POM121C: variants seen among roughly 807,000 people sequenced by gnomAD.
POM121C encodes the protein POM121 transmembrane nucleoporin C.
Under a neutral mutation model 66.4 loss-of-function variants are expected in POM121C, and 20 were observed. The observed-to-expected ratio is 0.30, with a 90% CI of 0.21 to 0.44. The LOEUF (loss-of-function observed/expected upper bound fraction) is 0.44, where lower values mean the gene tolerates loss of function less well. Ranked by LOEUF, POM121C falls within the 20% of genes least tolerant of loss-of-function variation. The pLI is 1.00. For synonymous variants in POM121C, 286 were observed against 528.0 expected, an observed-to-expected ratio of 0.54 and a Z score of 6.28; for missense variants, 580 against 1,225.7, an observed-to-expected ratio of 0.47 and a Z score of 7.87.
intron 3 of POM121C, among the ~76,000 whole-genome samples, chr7:75,468,221 C>T (rs1334063248): frequency 4.6e-5 from 7 of 151,420 alleles, no homozygotes; most frequent in Non-Finnish European, 7.4e-5. Context: ...AGAACTCACC[C>T]GCTCCAGTCG....
chr7:75,416,926 T>A lies in POM121C; in HGVS notation c.*1870A>T. 1 of 1,425,080 alleles carries A rather than the reference T, an allele frequency of 7.0e-7. No homozygotes were observed. Among genetic ancestry groups the A allele is most frequent in the Non-Finnish European group, 9.1e-7 (1 of 1,094,230 alleles). 88.3% of individuals were successfully genotyped at this position (1,425,080 alleles called of 1,614,324 possible). ...GTCCCAGCCTCCCGCTGCCGTCCAG[T>A]GTGTGTACTGTACACATCCACACTC... On this transcript the variant is annotated 3_prime_UTR_variant, in exon 15 of 15. Coordinates refer to ENST00000615331, the MANE Select transcript of POM121C (RefSeq NM_001099415.3).
At chr7:75,448,506 A>AG (rs1288780421) in intron 3 of POM121C, among the ~76,000 whole-genome samples, 2 of 136,152 alleles carry the variant, frequency 1.5e-5, no homozygotes, top group Non-Finnish European at 3.1e-5. Context: ...GAAACAGAAA[A>AG]AAAAAAAAAA....
intron 3 of POM121C, among the ~76,000 whole-genome samples, chr7:75,469,404 A>G (rs3100008): frequency 6.6e-6 from 1 of 152,054 alleles, no homozygotes; most frequent in South Asian, 2.1e-4. Context: ...GGCCAGGTCT[A>G]CTTTCAAAAT....
chr7:75,437,555 G>T lies in POM121C; in HGVS notation c.440C>A (p.Ala147Asp). 6.2e-7 allele frequency: 1 copy of T among 1,613,946 alleles called. No homozygotes were observed. The highest frequency in any genetic ancestry group is 8.5e-7 in the Non-Finnish European group (1 of 1,179,842). Residue 147 changes from alanine (A) to aspartate (D), a missense_variant, in exon 7 of 15, where the codon GCC (alanine) becomes GAC (aspartate). Ala to Asp is a moderately radical substitution (Grantham distance 126). Transcript: ENST00000615331. Reference protein sequence around the residue: ...TSGIPSSSRNAITSSYSSTRG... With the variant: ...TSGIPSSSRNDITSSYSSTRG... ...AGTGGAGCTGTAGGAACTGGTAATG[G>T]CATTGCGGCTGGAGCTAGGGATGCC...
intron 7 of POM121C, among the ~76,000 whole-genome samples, chr7:75,434,803 G>A (rs781783311): frequency 3.9e-5 from 6 of 151,962 alleles, no homozygotes; most frequent in South Asian, 2.1e-4. Context: ...GGATGGTCTC[G>A]AACTCAGGTG....
intron 1 of POM121C, among the ~76,000 whole-genome samples, chr7:75,479,327 A>T (rs1792214843): frequency 6.6e-6 from 1 of 152,194 alleles, no homozygotes; most frequent in South Asian, 2.1e-4. Context: ...TCTTTAAAAG[A>T]TACCTGGGCC....
Position 75,436,856 on chromosome 7 carries a change from A to C in POM121C, c.480+659T>G, listed in dbSNP as rs187830708. 2.0e-4 allele frequency among the ~76,000 whole-genome samples: 30 copies of C among 152,248 alleles called. 1 individual carries two copies. The highest frequency in any genetic ancestry group is 4.1e-4 in the South Asian group (2 of 4,820). ...GGCTAGTCTTGAACTCCTGGGCTCA[A>C]GAGGTTCTCCCACCTTGATCTCCCA... On this transcript the variant is annotated intron_variant, in intron 7 of 14. Coordinates refer to ENST00000615331, the MANE Select transcript of POM121C (RefSeq NM_001099415.3).
intron 7 of POM121C, among the ~76,000 whole-genome samples, chr7:75,431,228 G>A (rs587672737): frequency 6.6e-6 from 1 of 152,128 alleles, no homozygotes; most frequent in East Asian, 1.9e-4. Context: ...ACACTTAGCA[G>A]AATGGCTAAA....
chr7:75,486,131 T>C lies in POM121C; in HGVS notation c.-725A>G, dbSNP rs1434670103. The C allele has an allele frequency of 2.9e-6, 1 of 339,456 alleles. No individual in the cohort carries two copies. Among genetic ancestry groups the C allele is most frequent in the African/African-American group, 2.3e-5 (1 of 42,908 alleles). 21.0% of individuals were successfully genotyped at this position (339,456 alleles called of 1,614,324 possible). ...ACGCTCGGGGGTCCCAGCTCGAGCCTCTACCCGGCCCGCGCGAACCCTGGG... is the reference window on the plus strand; with the variant it reads ...ACGCTCGGGGGTCCCAGCTCGAGCCCCTACCCGGCCCGCGCGAACCCTGGG... On this transcript the variant is annotated 5_prime_UTR_variant, in exon 1 of 15. Transcript: ENST00000615331.
chr7:75,463,075 C>G (rs1791500869), intron 3 of POM121C, among the ~76,000 whole-genome samples: 1 of 152,150 alleles, frequency 6.6e-6, no homozygotes, highest in African/African-American at 2.4e-5. Flanking sequence ...GTAATCCCAG[C>G]ACTTTGGGAG....
chr7:75,454,427 T>A (rs1250007299), intron 3 of POM121C, among the ~76,000 whole-genome samples: 4 of 151,950 alleles, frequency 2.6e-5, no homozygotes, highest in African/African-American at 9.7e-5. Context: ...ATGATGACAA[T>A]ACAGAGGGCA....
chr7:75,425,523 G>A (rs1789908935), intron 9 of POM121C, 112 bp downstream of exon 9: 1 of 941,782 alleles, frequency 1.1e-6, no homozygotes, highest in East Asian at 2.7e-5. Context: ...TATCTAACAT[G>A]CCTTAGACAT....
At chr7:75,453,170 C>T (rs1487143160) in intron 3 of POM121C, among the ~76,000 whole-genome samples, 2 of 151,792 alleles carry the variant, frequency 1.3e-5, no homozygotes, top group African/African-American at 4.8e-5. Flanking sequence ...GTGGCTCACA[C>T]CTGTGCTCCC....
At chr7:75,428,746 G>T (rs1465840841) in intron 7 of POM121C, among the ~76,000 whole-genome samples, 2 of 152,222 alleles carry the variant, frequency 1.3e-5, no homozygotes, top group Non-Finnish European at 2.9e-5. Context: ...TCAGGAGGCT[G>T]AGGCAGGAGG....
chr7:75,450,701 G>A (rs1474735680), intron 3 of POM121C, among the ~76,000 whole-genome samples: 1 of 152,214 alleles, frequency 6.6e-6, no homozygotes, highest in Non-Finnish European at 1.5e-5. Context: ...TGCACAAATA[G>A]TTTGGAAGTC....
At chr7:75,442,363 G>A (rs782386093) in intron 3 of POM121C, 5 of 1,427,438 alleles carry the variant, frequency 3.5e-6, no homozygotes, top group Admixed American at 3.0e-5. Context: ...GGAGCAGTTC[G>A]GCAGGGTCAG....
chr7:75,419,922 C>G (rs1789625338), intron 13 of POM121C: 2 of 159,700 alleles, frequency 1.3e-5, no homozygotes, highest in Admixed American at 1.3e-4. Context: ...GATGCCCTCT[C>G]TGGCAGCCCC....
chr7:75,431,068 C>A (rs745523395), intron 7 of POM121C, among the ~76,000 whole-genome samples: 3 of 83,440 alleles, frequency 3.6e-5, no homozygotes, highest in African/African-American at 5.1e-5. Context: ...GAGCGAGACT[C>A]TGTCTCAAAA....
intron 1 of POM121C, among the ~76,000 whole-genome samples, chr7:75,485,513 G>A (rs1379676443): frequency 1.3e-5 from 2 of 152,162 alleles, no homozygotes; most frequent in Non-Finnish European, 2.9e-5. Context: ...GGTCTAAGGG[G>A]GGGGATCAGC....
Sources: gnomAD v4.1 joint callset for allele counts (sites outside exome capture counted in the v4.1 genomes callset) on GRCh38, gnomAD v4.1.1 for gene constraint, MANE v1.5 for transcripts, NCBI Gene and HGNC (gene_info 2026-07-23, HGNC 2026-07-21) for gene names.